NLGN1: variants seen among roughly 807,000 people sequenced by gnomAD.
NLGN1 encodes the protein neuroligin 1, also known as neuroligin-1.
Under a neutral mutation model 65.5 loss-of-function variants are expected in NLGN1, and 12 were observed. The ratio of observed to expected loss-of-function variants is 0.18; its 90% CI spans 0.12 to 0.30. The LOEUF (loss-of-function observed/expected upper bound fraction) is 0.30, where lower values mean the gene tolerates loss of function less well. Ranked by LOEUF, NLGN1 falls within the 10% of genes least tolerant of loss-of-function variation. The pLI, the probability that NLGN1 is intolerant of heterozygous loss-of-function variation, is 1.00. For synonymous variants in NLGN1, 350 were observed against 359.5 expected (o/e 0.97, Z 0.30); for missense variants, 750 against 1,007.1 (o/e 0.74, Z 3.46).
intron 4 of NLGN1, among the ~76,000 whole-genome samples, chr3:173,940,771 A>G (rs1177621023): frequency 6.6e-6 from 1 of 152,174 alleles, no homozygotes; most frequent in Non-Finnish European, 1.5e-5. Context: ...ATAGTTTTAT[A>G]TTTCTCATAA....
intron 4 of NLGN1, among the ~76,000 whole-genome samples, chr3:173,870,776 T>G (rs1731025872): frequency 6.6e-6 from 1 of 152,182 alleles, no homozygotes; most frequent in Non-Finnish European, 1.5e-5. Context: ...AAAATACCTG[T>G]TTGGTCTCTG....
rs562445110 is a variant in NLGN1, at chr3:174,249,294, T to C, written c.647-26021T>C. On this transcript the variant is annotated intron_variant, in intron 4 of 6. Transcript: ENST00000457714. Reference sequence around the variant, plus strand: ...TAATTCACAAGTTACTTATTTCCCATGCCTCTCTACACTTGGTGCCTTCTG... The same window carrying C: ...TAATTCACAAGTTACTTATTTCCCACGCCTCTCTACACTTGGTGCCTTCTG... Among the ~76,000 whole-genome samples the C allele has an allele frequency of 2.0e-5, 3 of 152,358 alleles. No individual in the cohort carries two copies. In the South Asian group the frequency reaches 6.2e-4, roughly 32 times the overall value.
intron 3 of NLGN1, among the ~76,000 whole-genome samples, chr3:173,770,496 T>G (rs1256536453): frequency 9.9e-5 from 15 of 152,216 alleles, no homozygotes; most frequent in Non-Finnish European, 2.1e-4. Context: ...TGCTACCCCC[T>G]GATATTTTGC....
At chr3:173,662,648 C>T (rs1761094315) in intron 3 of NLGN1, among the ~76,000 whole-genome samples, 1 of 151,892 alleles carries the variant, frequency 6.6e-6, no homozygotes, top group Non-Finnish European at 1.5e-5. Context: ...TCGGGTCTTT[C>T]TTAGCCATTA....
At chr3:173,637,434 A>G (rs1053168441) in intron 3 of NLGN1, among the ~76,000 whole-genome samples, 23 of 152,186 alleles carry the variant, frequency 1.5e-4, no homozygotes, top group African/African-American at 5.3e-4. Context: ...CATATAGAGA[A>G]TAATTTTTAC....
chr3:174,277,545 T>A (rs1052978849), intron 5 of NLGN1, among the ~76,000 whole-genome samples: 2 of 151,928 alleles, frequency 1.3e-5, no homozygotes, highest in African/African-American at 4.8e-5. Flanking sequence ...TATTAAAATA[T>A]TTTCCTGAGC....
chr3:173,824,548 G>A (rs566511805), intron 4 of NLGN1, among the ~76,000 whole-genome samples: 1 of 152,156 alleles, frequency 6.6e-6, no homozygotes, highest in Non-Finnish European at 1.5e-5. Flanking sequence ...CTGCCCTCAG[G>A]GGACCGCATG....
At chr3:173,707,592 A>G (rs1768249758) in intron 3 of NLGN1, among the ~76,000 whole-genome samples, 1 of 152,160 alleles carries the variant, frequency 6.6e-6, no homozygotes, top group Admixed American at 6.5e-5. Context: ...CCCAACGTGT[A>G]CCCAATGATA....
upstream of NLGN1, among the ~76,000 whole-genome samples, chr3:173,398,233 C>G (rs1716986239): frequency 6.6e-6 from 1 of 152,166 alleles, no homozygotes; most frequent in African/African-American, 2.4e-5. Flanking sequence ...CCCAGGCCCT[C>G]CGGCTAGTTC....
intron 4 of NLGN1, among the ~76,000 whole-genome samples, chr3:174,218,138 A>C (rs1472914840): frequency 6.6e-6 from 1 of 152,082 alleles, no homozygotes; most frequent in African/African-American, 2.4e-5. Context: ...TTAAATAATC[A>C]AGCAAGGTTA....
chr3:173,426,987 C>T (rs1400208101), intron 1 of NLGN1, among the ~76,000 whole-genome samples: 1 of 151,986 alleles, frequency 6.6e-6, no homozygotes, highest in African/African-American at 2.4e-5. Flanking sequence ...TTTAAAATTA[C>T]TGATTCAACC....
At chr3:173,701,912 G>T (rs1274993708) in intron 3 of NLGN1, among the ~76,000 whole-genome samples, 1 of 152,148 alleles carries the variant, frequency 6.6e-6, no homozygotes, top group Non-Finnish European at 1.5e-5. Context: ...TTGTTTCATG[G>T]TATAAAAACA....
chr3:173,955,109 T>A (rs971281638), intron 4 of NLGN1, among the ~76,000 whole-genome samples: 4 of 152,192 alleles, frequency 2.6e-5, no homozygotes, highest in Admixed American at 6.5e-5. Flanking sequence ...ATAAAAACCT[T>A]TATTCATGAA....
chr3:173,519,444 C>T lies in NLGN1; in HGVS notation c.-321+84366C>T, dbSNP rs184150733. Among the ~76,000 whole-genome samples, 155 of 152,364 alleles carry T rather than the reference C, an allele frequency of 1.0e-3. 1 individual carries two copies. Among genetic ancestry groups the T allele is most frequent in the African/African-American group, 3.7e-3 (153 of 41,590 alleles). On this transcript the variant is annotated intron_variant, in intron 2 of 6. Transcript: ENST00000457714. ...GGCCCTGAACACTAGCCCTTGAGAG[C>T]AGCTGTGGGGACTGAACCCTGGAAA...
chr3:174,069,337 C>T (rs1198427895), intron 4 of NLGN1, among the ~76,000 whole-genome samples: 1 of 151,946 alleles, frequency 6.6e-6, no homozygotes, highest in Non-Finnish European at 1.5e-5. Context: ...GTGGTATTAC[C>T]AAAGTAGTGT....
At chr3:173,893,568 C>T (rs1008455483) in intron 4 of NLGN1, among the ~76,000 whole-genome samples, 7 of 152,186 alleles carry the variant, frequency 4.6e-5, no homozygotes, top group Non-Finnish European at 1.0e-4. Context: ...ACTTTTTCCT[C>T]AACCATCCTT....
intron 4 of NLGN1, among the ~76,000 whole-genome samples, chr3:173,816,070 TATATTTAA>T (rs11278588): frequency 0.66 from 97,239 of 148,104 alleles, 32,839 homozygotes; most frequent in Non-Finnish European, 0.74. Flanking sequence ...ACTGTAATTA[TATATTTAA>T]ATTTTTAATA....
intron 4 of NLGN1, among the ~76,000 whole-genome samples, chr3:173,944,155 G>A (rs1465339235): frequency 2.0e-5 from 3 of 151,648 alleles, no homozygotes; most frequent in African/African-American, 7.3e-5. Context: ...GTGTGTGTGT[G>A]TGTGTGTTTT....
At chr3:173,842,717 CT>C (rs1725019619) in intron 4 of NLGN1, among the ~76,000 whole-genome samples, 1 of 152,190 alleles carries the variant, frequency 6.6e-6, no homozygotes, top group South Asian at 2.1e-4. Flanking sequence ...AGCTCCGCCC[CT>C]GTGACTTTAC....
Sources: allele counts gnomAD v4.1 joint callset (sites outside exome capture counted in the v4.1 genomes callset), GRCh38; gene constraint gnomAD v4.1.1; transcripts MANE v1.5; gene names NCBI Gene and HGNC (gene_info 2026-07-23, HGNC 2026-07-21).